DMRT1: variants seen among roughly 807,000 people sequenced by gnomAD.
DMRT1 encodes doublesex and mab-3 related transcription factor 1.
DMRT1 carries 7 observed loss-of-function variants against 32.3 expected under a neutral mutation model. The ratio of observed to expected loss-of-function variants is 0.22; its 90% CI spans 0.12 to 0.41. DMRT1 has a LOEUF of 0.41. DMRT1 is among the 10% of genes least tolerant of loss of function. The probability of loss-of-function intolerance (pLI) is 1.00; values close to 1 mark genes in which losing one functional copy is unlikely to be tolerated. For synonymous variants in DMRT1, 278 were observed against 206.1 expected (o/e 1.35, Z -2.99); for missense variants, 625 against 500.5 (o/e 1.25, Z -2.37).
At chr9:933,411 C>G (rs555546365) in intron 4 of DMRT1, among the ~76,000 whole-genome samples, 2 of 152,162 alleles carry the variant, frequency 1.3e-5, no homozygotes. Context: ...TATGTTTCTG[C>G]GATACCACAG....
At chr9:892,683 C>G (rs1817198333) in intron 2 of DMRT1, among the ~76,000 whole-genome samples, 1 of 152,158 alleles carries the variant, frequency 6.6e-6, no homozygotes, top group Non-Finnish European at 1.5e-5. Flanking sequence ...TAAATCTCCT[C>G]CAAGCACAGC....
intron 4 of DMRT1, among the ~76,000 whole-genome samples, chr9:941,621 G>A (rs1819075745): frequency 3.9e-5 from 6 of 151,976 alleles, no homozygotes; most frequent in Admixed American, 3.9e-4. Context: ...GGGTGGTGAT[G>A]GTTACACAGC....
chr9:861,275 G>A lies in DMRT1; in HGVS notation c.538+14132G>A, dbSNP rs550151945. Among the ~76,000 whole-genome samples the A allele has an allele frequency of 9.2e-5, 14 of 152,054 alleles. No individual in the cohort carries two copies. The South Asian group carries it at 1.5e-3, about 16-fold the overall frequency. On this transcript the variant is annotated intron_variant, in intron 2 of 4. Coordinates refer to ENST00000382276, the MANE Select transcript of DMRT1 (RefSeq NM_021951.3). The stretch of plus-strand genomic sequence containing the variant: ...TTAGGGAGTGGTGATGACTCTTAAG[G>A]AGCATGCTGCCTTCAAGTATCTGTT...
intron 2 of DMRT1, among the ~76,000 whole-genome samples, chr9:874,987 T>A (rs1156567819): frequency 1.3e-5 from 2 of 151,598 alleles, no homozygotes; most frequent in African/African-American, 4.9e-5. Context: ...TTTTGTATTT[T>A]TTTTAGTAGA....
intron 4 of DMRT1, among the ~76,000 whole-genome samples, chr9:948,293 TAAATG>T (rs1564270702): frequency 6.6e-6 from 1 of 152,180 alleles, no homozygotes; most frequent in Non-Finnish European, 1.5e-5. Flanking sequence ...ATCGTTATCT[TAAATG>T]AGATGAAGGG....
chr9:932,448 C>A (rs113780516), intron 4 of DMRT1, among the ~76,000 whole-genome samples: 1 of 152,192 alleles, frequency 6.6e-6, no homozygotes, highest in Non-Finnish European at 1.5e-5. Context: ...TATCTAATGT[C>A]TATATAGACC....
intron 4 of DMRT1, among the ~76,000 whole-genome samples, chr9:932,160 C>T (rs1300415591): frequency 6.6e-6 from 1 of 152,192 alleles, no homozygotes; most frequent in Non-Finnish European, 1.5e-5. Flanking sequence ...TCATTTAACT[C>T]CCTAGAATTT....
chr9:943,466 C>G lies in DMRT1; in HGVS notation c.968-24519C>G, dbSNP rs963758536. Among the ~76,000 whole-genome samples the G allele has an allele frequency of 5.3e-5, 8 of 152,198 alleles. 1 individual carries two copies. Among genetic ancestry groups the G allele is most frequent in the African/African-American group, 1.9e-4 (8 of 41,434 alleles). ...GAATGAGAGTTGGCACCAGGGGCAA[C>G]GAGGACACTCTCTCAACAGGCATGT... On this transcript the variant is annotated intron_variant, in intron 4 of 4. Coordinates refer to ENST00000382276, the MANE Select transcript of DMRT1 (RefSeq NM_021951.3).
intron 4 of DMRT1, among the ~76,000 whole-genome samples, chr9:950,799 T>C (rs1245774391): frequency 2.0e-5 from 3 of 152,204 alleles, no homozygotes; most frequent in Non-Finnish European, 4.4e-5. Context: ...AAAAGCAGTG[T>C]TTCCAGAAAC....
At position 892,708 on chromosome 9, in the gene DMRT1, C is replaced by T. The variant is rs988783101; in HGVS notation, c.539-1204C>T. On this transcript the variant is annotated intron_variant, in intron 2 of 4. Transcript: ENST00000382276. Reference sequence around the variant, plus strand: ...CCAAGCACAGCTCTGACCGTGTAACCTCCTTGCTCAGAACTCAGTGGTTCC... The same window carrying T: ...CCAAGCACAGCTCTGACCGTGTAACTTCCTTGCTCAGAACTCAGTGGTTCC... Among the ~76,000 whole-genome samples the T allele has an allele frequency of 3.3e-5, 5 of 152,176 alleles. No individual in the cohort carries two copies. In the East Asian group the frequency reaches 9.6e-4, roughly 29 times the overall value.
At chr9:858,870 AAT>A (rs139337855) in intron 2 of DMRT1, among the ~76,000 whole-genome samples, 549 of 48,006 alleles carry the variant, frequency 0.011, 2 homozygotes, top group Middle Eastern at 0.091. Flanking sequence ...AAAAAAAAAA[AAT>A]ATATATATAT....
At chr9:867,762 G>A (rs994073108) in intron 2 of DMRT1, among the ~76,000 whole-genome samples, 6 of 152,156 alleles carry the variant, frequency 3.9e-5, no homozygotes, top group African/African-American at 1.4e-4. Context: ...TGGCCAGGTG[G>A]TTTGTATCTT....
chr9:920,228 G>A lies in DMRT1; in HGVS notation c.967+3321G>A, dbSNP rs763951749. Among the ~76,000 whole-genome samples, 9 of 152,172 alleles carry A rather than the reference G, an allele frequency of 5.9e-5. No homozygotes were observed. In the South Asian group the frequency reaches 6.2e-4, roughly 11 times the overall value. ...TGAAGTCAATGTGATGAGATCATTTGGAGAGATGAATGTAGGTGGAGAATA... is the reference window on the plus strand; with the variant it reads ...TGAAGTCAATGTGATGAGATCATTTAGAGAGATGAATGTAGGTGGAGAATA... On this transcript the variant is annotated intron_variant, in intron 4 of 4. Coordinates refer to ENST00000382276, the MANE Select transcript of DMRT1 (RefSeq NM_021951.3).
intron 2 of DMRT1, among the ~76,000 whole-genome samples, chr9:868,350 T>A (rs536038901): frequency 6.6e-4 from 101 of 152,366 alleles, no homozygotes; most frequent in Non-Finnish European, 1.2e-3. Flanking sequence ...ATTCTATATT[T>A]GCCTCAGCTT....
In DMRT1 at chr9:902,532, G is replaced by A. The variant is rs377737960; in HGVS notation, c.822+8337G>A. On this transcript the variant is annotated intron_variant, in intron 3 of 4. Transcript: ENST00000382276. ...GATGGAGTCTTGCTGTCTTGCCCAG[G>A]CTGGAGTACACCAATGCAGTTTCTC... Among the ~76,000 whole-genome samples, 16 of 150,824 alleles carry A rather than the reference G, an allele frequency of 1.1e-4. No homozygotes were observed. In the South Asian group the frequency reaches 3.4e-3, roughly 32 times the overall value.
intron 2 of DMRT1, among the ~76,000 whole-genome samples, chr9:868,519 G>A (rs1407964122): frequency 1.3e-5 from 2 of 152,192 alleles, no homozygotes; most frequent in African/African-American, 4.8e-5. Context: ...CAAAAGGCCT[G>A]GGTTTCAATC....
At chr9:889,571 G>A (rs1353004236) in intron 2 of DMRT1, among the ~76,000 whole-genome samples, 1 of 152,148 alleles carries the variant, frequency 6.6e-6, no homozygotes, top group African/African-American at 2.4e-5. Flanking sequence ...TTTAGTTGAG[G>A]TTTACTATGC....
At chr9:928,628 A>G (rs1430270884) in intron 4 of DMRT1, among the ~76,000 whole-genome samples, 4 of 152,158 alleles carry the variant, frequency 2.6e-5, no homozygotes, top group Non-Finnish European at 4.4e-5. Flanking sequence ...TTGGAGAACC[A>G]GAGACTATAC....
intron 3 of DMRT1, among the ~76,000 whole-genome samples, chr9:901,612 C>T (rs557669808): frequency 3.4e-4 from 52 of 152,202 alleles, no homozygotes; most frequent in African/African-American, 1.3e-3. Flanking sequence ...TAGGCGGGAG[C>T]CACCGCGCCC....
Sources: allele counts gnomAD v4.1 joint callset (sites outside exome capture counted in the v4.1 genomes callset), GRCh38; gene constraint gnomAD v4.1.1; transcripts MANE v1.5; gene names NCBI Gene and HGNC (gene_info 2026-07-23, HGNC 2026-07-21).